TJP1: variants seen among roughly 807,000 people sequenced by gnomAD.
TJP1 encodes tight junction protein 1, also known as tight junction protein ZO-1.
Under a neutral mutation model 194.2 loss-of-function variants are expected in TJP1, and 43 were observed. The observed-to-expected ratio is 0.22, with a 90% CI of 0.17 to 0.29. TJP1 has a LOEUF of 0.29. Ranked by LOEUF, TJP1 falls within the 10% of genes least tolerant of loss-of-function variation. TJP1 has a pLI of 1.00. For synonymous variants in TJP1, 801 were observed against 779.0 expected (o/e 1.03, Z -0.47); for missense variants, 1,971 against 2,185.7 (o/e 0.90, Z 1.96).
At chr15:29,735,472 C>T (rs2151285717) in intron 11 of TJP1, among the ~76,000 whole-genome samples, 1 of 151,474 alleles carries the variant, frequency 6.6e-6, no homozygotes, top group South Asian at 2.1e-4. Context: ...GCCTGTGGTC[C>T]CAGCTACTCA....
intron 1 of TJP1, among the ~76,000 whole-genome samples, chr15:29,959,137 T>C (rs1042631331): frequency 3.3e-5 from 5 of 151,692 alleles, no homozygotes; most frequent in Non-Finnish European, 7.4e-5. Flanking sequence ...CTACAGGCGC[T>C]CATCACCACA....
intron 2 of TJP1, among the ~76,000 whole-genome samples, chr15:29,947,267 A>C (rs2055317316): frequency 6.6e-6 from 1 of 152,208 alleles, no homozygotes; most frequent in African/African-American, 2.4e-5. Context: ...TTACTGGTCC[A>C]TGGCAAACCG....
intron 2 of TJP1, among the ~76,000 whole-genome samples, chr15:29,774,702 C>A (rs1399789999): frequency 6.6e-6 from 1 of 151,320 alleles, no homozygotes; most frequent in African/African-American, 2.4e-5. Context: ...ACTCGGAACA[C>A]GCTAAAAACC....
chr15:29,877,458 C>A (rs1487939979), intron 2 of TJP1, among the ~76,000 whole-genome samples: 2 of 152,138 alleles, frequency 1.3e-5, no homozygotes, highest in Admixed American at 6.5e-5. Context: ...CTCAAGCAAT[C>A]TTCCCCACCG....
At chr15:29,815,922 C>T (rs1432962027) in intron 1 of TJP1, among the ~76,000 whole-genome samples, 1 of 151,948 alleles carries the variant, frequency 6.6e-6, no homozygotes, top group Non-Finnish European at 1.5e-5. Flanking sequence ...ACTTTTTTTC[C>T]TTCAAATCAA....
chr15:29,894,231 G>C (rs559191986), intron 2 of TJP1, among the ~76,000 whole-genome samples: 1 of 152,162 alleles, frequency 6.6e-6, no homozygotes, highest in Non-Finnish European at 1.5e-5. Context: ...AGCTGAGGTG[G>C]GCAGATCACT....
chr15:29,911,570 C>G (rs772482879), intron 2 of TJP1, among the ~76,000 whole-genome samples: 1 of 152,082 alleles, frequency 6.6e-6, no homozygotes, highest in Admixed American at 6.6e-5. Context: ...ACATGGCCAG[C>G]AGGAGAGAGC....
chr15:29,918,857 T>C (rs1399414324), intron 2 of TJP1, among the ~76,000 whole-genome samples: 1 of 152,118 alleles, frequency 6.6e-6, no homozygotes, highest in Non-Finnish European at 1.5e-5. Context: ...TAATAATCAA[T>C]GAAGATGGTC....
At chr15:29,843,506 T>A (rs921961482) in intron 2 of TJP1, among the ~76,000 whole-genome samples, 1 of 152,150 alleles carries the variant, frequency 6.6e-6, no homozygotes, top group Non-Finnish European at 1.5e-5. Context: ...GATTTTTCTA[T>A]CAATGCAAAG....
At chr15:29,864,576 T>C (rs1381346280) in intron 2 of TJP1, among the ~76,000 whole-genome samples, 1 of 152,160 alleles carries the variant, frequency 6.6e-6, no homozygotes, top group East Asian at 1.9e-4. Flanking sequence ...CCTGCAAGCA[T>C]CTGGGCCGGG....
At position 29,716,611 on chromosome 15, in the gene TJP1, T is replaced by A. The variant is rs1455973516; in HGVS notation, c.4202A>T (p.Lys1401Met). The A allele has an allele frequency of 6.2e-7, 1 of 1,610,072 alleles. No individual in the cohort carries two copies. ...TTAAAAGCCAGGTGAAATAGCTTACTTTGAAGAATAACTAGAAAAATTTGA... is the reference window on the plus strand; with the variant it reads ...TTAAAAGCCAGGTGAAATAGCTTACATTGAAGAATAACTAGAAAAATTTGA... ...NQSNFSSYSS[K>M]GKPPEADGVD... The change falls in exon 23 of 28, where the codon AAG becomes ATG. Residue 1401 changes from lysine (K) to methionine (M), a missense_variant and splice_region_variant. By Grantham distance (95) the Lys-to-Met change is moderately conservative (BLOSUM62 -1). Transcript: ENST00000614355.
chr15:29,782,156 T>G (rs1247197077), intron 2 of TJP1, among the ~76,000 whole-genome samples: 1 of 152,114 alleles, frequency 6.6e-6, no homozygotes, highest in Non-Finnish European at 1.5e-5. Flanking sequence ...CAAAAACCAC[T>G]AGCATTCTTA....
At chr15:29,949,991 ACCACCACCACCT>A (rs2055614911) in intron 2 of TJP1, among the ~76,000 whole-genome samples, 1 of 43,576 alleles carries the variant, frequency 2.3e-5, no homozygotes, top group Non-Finnish European at 3.8e-5. Flanking sequence ...CACCACCTCC[ACCACCACCACCT>A]CCACAACCAC....
intron 2 of TJP1, among the ~76,000 whole-genome samples, chr15:29,929,101 G>GA (rs998215809): frequency 6.6e-6 from 1 of 151,738 alleles, no homozygotes; most frequent in Admixed American, 6.6e-5. Flanking sequence ...TAAAGAAAAA[G>GA]AAAAAATGCA....
intron 2 of TJP1, among the ~76,000 whole-genome samples, chr15:29,949,672 C>CACT (rs2055547992): frequency 1.7e-5 from 2 of 117,916 alleles, no homozygotes; most frequent in Non-Finnish European, 3.7e-5. Context: ...CCACAACCAC[C>CACT]ACCTCCACCT....
At chr15:29,949,622 A>T (rs1335533923) in intron 2 of TJP1, among the ~76,000 whole-genome samples, 160 of 93,702 alleles carry the variant, frequency 1.7e-3, no homozygotes, top group Middle Eastern at 7.7e-3. Flanking sequence ...CACCACCACC[A>T]CCTCCACCTC....
intron 8 of TJP1, among the ~76,000 whole-genome samples, chr15:29,749,229 A>G (rs1362968474): frequency 1.3e-5 from 2 of 152,040 alleles, no homozygotes; most frequent in Admixed American, 6.5e-5. Flanking sequence ...GCTAGTTGAA[A>G]GCTCTAGACA....
chr15:29,770,790 G>A (rs539983022), intron 4 of TJP1, among the ~76,000 whole-genome samples: 1 of 151,826 alleles, frequency 6.6e-6, no homozygotes, highest in Non-Finnish European at 1.5e-5. Flanking sequence ...AAGTTTATAG[G>A]TTAAAAAAGT....
rs113652857 is a variant in TJP1, at chr15:29,714,778, T to G, written c.4202+1833A>C. On this transcript the variant is annotated intron_variant, in intron 23 of 27. Coordinates refer to ENST00000614355, the MANE Select transcript of TJP1 (RefSeq NM_001330239.4). ...GGATGGTCTCGATCTCCTGACCTCA[T>G]GATCAGCCTGCCTTGGTCTCCCAAA... 2.9e-3 allele frequency among the ~76,000 whole-genome samples: 446 copies of G among 151,970 alleles called. 1 individual carries two copies. Among genetic ancestry groups the G allele is most frequent in the African/African-American group, 4.0e-3 (166 of 41,446 alleles).
Sources: allele counts gnomAD v4.1 joint callset (sites outside exome capture counted in the v4.1 genomes callset), GRCh38; gene constraint gnomAD v4.1.1; transcripts MANE v1.5; gene names NCBI Gene and HGNC (gene_info 2026-07-23, HGNC 2026-07-21).